The following PDE1C variants were observed in gnomAD, a reference collection of about 807,000 sequenced individuals.
The protein encoded by PDE1C is dual specificity calcium/calmodulin-dependent 3',5'-cyclic nucleotide phosphodiesterase 1C.
In PDE1C, 62 loss-of-function variants were observed where a neutral mutation model predicts 93.1. That is an observed-to-expected ratio of 0.67 (90% CI 0.54 to 0.82). PDE1C has a LOEUF of 0.82. Ranked by LOEUF, PDE1C falls within the 40% of genes least tolerant of loss-of-function variation. The pLI is 0.00. For missense variants in PDE1C, 742 were observed against 884.6 expected (o/e 0.84, Z 2.04); for synonymous variants, 325 against 310.1 (o/e 1.05, Z -0.50).
At chr7:32,320,620 C>T (rs1585107445) in intron 1 of PDE1C, among the ~76,000 whole-genome samples, 1 of 129,882 alleles carries the variant, frequency 7.7e-6, no homozygotes, top group Non-Finnish European at 1.7e-5. Flanking sequence ...TAGGCACACA[C>T]ATACACACAC....
chr7:31,886,664 C>T (rs2128890216), intron 2 of PDE1C, among the ~76,000 whole-genome samples: 1 of 152,098 alleles, frequency 6.6e-6, no homozygotes, highest in East Asian at 1.9e-4. Flanking sequence ...TGGAGTTGAC[C>T]AGAGCCATTT....
At chr7:32,362,469 C>T (rs1010084314) in intron 1 of PDE1C, among the ~76,000 whole-genome samples, 22 of 152,058 alleles carry the variant, frequency 1.4e-4, no homozygotes, top group African/African-American at 5.3e-4. Context: ...AGCAAAATAT[C>T]CCCACTATTT....
At chr7:31,978,193 A>G (rs1226091046) in intron 2 of PDE1C, among the ~76,000 whole-genome samples, 1 of 152,158 alleles carries the variant, frequency 6.6e-6, no homozygotes, top group Non-Finnish European at 1.5e-5. Flanking sequence ...GGCAGACTAC[A>G]GGGATAACCT....
At position 31,975,885 on chromosome 7, in the gene PDE1C, A is replaced by G. The variant is rs904882411; in HGVS notation, c.128+75669T>C. Among the ~76,000 whole-genome samples the G allele has an allele frequency of 3.3e-5, 5 of 152,058 alleles. No individual in the cohort carries two copies. The East Asian group carries it at 7.7e-4, about 23-fold the overall frequency. On this transcript the variant is annotated intron_variant, in intron 2 of 17. Coordinates refer to ENST00000396191, the MANE Select transcript of PDE1C (RefSeq NM_001191057.4). ...GCTAAGAACCACATCACTGATTTAC[A>G]CTCTCCTCCACATTTAACCGAAAAG...
chr7:31,946,290 A>G (rs1486386866), intron 2 of PDE1C, among the ~76,000 whole-genome samples: 1 of 152,148 alleles, frequency 6.6e-6, no homozygotes, highest in Non-Finnish European at 1.5e-5. Flanking sequence ...TCGGGGGTCC[A>G]GGGTCTGAAA....
At chr7:32,256,556 T>A (rs1052368194) in intron 1 of PDE1C, among the ~76,000 whole-genome samples, 8 of 152,140 alleles carry the variant, frequency 5.3e-5, no homozygotes, top group Admixed American at 4.6e-4. Context: ...TGCCAACATC[T>A]CTACCAGCCT....
intron 1 of PDE1C, among the ~76,000 whole-genome samples, chr7:32,296,800 C>CT (rs1177453863): frequency 2.0e-5 from 3 of 152,328 alleles, no homozygotes; most frequent in African/African-American, 7.2e-5. Context: ...TAATGAAATA[C>CT]TTTTGACTTT....
At chr7:32,081,712 A>G (rs7803022) in intron 3 of PDE1C, among the ~76,000 whole-genome samples, 95,221 of 152,140 alleles carry the variant, frequency 0.63, 30,178 homozygotes, top group African/African-American at 0.71. Context: ...GGAAATTTTA[A>G]TGCATGACCT....
intron 2 of PDE1C, among the ~76,000 whole-genome samples, chr7:31,998,299 G>C (rs1368221410): frequency 6.6e-6 from 1 of 152,164 alleles, no homozygotes; most frequent in African/African-American, 2.4e-5. Flanking sequence ...GATTACAAGT[G>C]TGAGCCACCA....
intron 1 of PDE1C, among the ~76,000 whole-genome samples, chr7:32,060,287 G>A (rs1255461987): frequency 2.0e-5 from 3 of 152,156 alleles, no homozygotes; most frequent in Non-Finnish European, 4.4e-5. Context: ...CACTCCTGCA[G>A]TGTTCCTTCC....
chr7:31,634,876 C>T, the PDE1C span, among the ~76,000 whole-genome samples: 40 of 152,244 alleles, frequency 2.6e-4, no homozygotes, highest in African/African-American at 9.6e-4. Flanking sequence ...GTGGCTCCTT[C>T]GGCATATTGA....
chr7:32,029,623 A>G (rs1226197809), intron 2 of PDE1C, among the ~76,000 whole-genome samples: 1 of 152,078 alleles, frequency 6.6e-6, no homozygotes, highest in African/African-American at 2.4e-5. Context: ...GGAGGGGAAA[A>G]TATCACAGCA....
intron 1 of PDE1C, among the ~76,000 whole-genome samples, chr7:32,257,820 G>T (rs537942404): frequency 6.6e-5 from 10 of 152,300 alleles, no homozygotes; most frequent in Non-Finnish European, 1.2e-4. Context: ...GGTGCTCTCT[G>T]ACTTGCATGG....
chr7:31,976,081 T>C (rs1811625764), intron 2 of PDE1C, among the ~76,000 whole-genome samples: 1 of 152,168 alleles, frequency 6.6e-6, no homozygotes, highest in Admixed American at 6.6e-5. Flanking sequence ...TTTAAGAAGG[T>C]TGGAAAATAT....
the PDE1C span, among the ~76,000 whole-genome samples, chr7:31,650,923 C>T: frequency 1.3e-5 from 2 of 152,142 alleles, no homozygotes; most frequent in Non-Finnish European, 2.9e-5. Context: ...CACCCAAAGG[C>T]CACCCAACAA....
chr7:31,978,127 C>A (rs991833391), intron 2 of PDE1C, among the ~76,000 whole-genome samples: 1 of 152,158 alleles, frequency 6.6e-6, no homozygotes, highest in Non-Finnish European at 1.5e-5. Context: ...GCACCCCCAC[C>A]CACTACTACC....
intron 7 of PDE1C, among the ~76,000 whole-genome samples, chr7:31,855,706 A>G (rs1793918423): frequency 6.7e-6 from 1 of 149,228 alleles, no homozygotes. Flanking sequence ...AAAAAATAAA[A>G]TAAATAAAAA....
intron 2 of PDE1C, among the ~76,000 whole-genome samples, chr7:32,024,995 A>C (rs539517299): frequency 6.6e-6 from 1 of 152,244 alleles, no homozygotes; most frequent in African/African-American, 2.4e-5. Flanking sequence ...GGGGGGCTTA[A>C]AATGGAACAC....
intron 2 of PDE1C, among the ~76,000 whole-genome samples, chr7:32,174,099 T>A (rs1351173978): frequency 6.6e-6 from 1 of 152,052 alleles, no homozygotes; most frequent in African/African-American, 2.4e-5. Flanking sequence ...ATTAATGAAG[T>A]CTGGTTCTGC....
Sources: allele counts gnomAD v4.1 joint callset (sites outside exome capture counted in the v4.1 genomes callset), GRCh38; gene constraint gnomAD v4.1.1; transcripts MANE v1.5; gene names NCBI Gene and HGNC (gene_info 2026-07-23, HGNC 2026-07-21).